TMEM135: variants seen among roughly 807,000 people sequenced by gnomAD.
TMEM135 encodes the protein peroxisomal membrane protein 52.
TMEM135 carries 30 observed loss-of-function variants against 60.3 expected under a neutral mutation model. The ratio of observed to expected loss-of-function variants is 0.50; its 90% CI spans 0.37 to 0.68. The LOEUF (loss-of-function observed/expected upper bound fraction) is 0.68, where lower values mean the gene tolerates loss of function less well. Ranked by LOEUF, TMEM135 falls within the 30% of genes least tolerant of loss-of-function variation. The probability of loss-of-function intolerance (pLI) is 0.00; values close to 1 mark genes in which losing one functional copy is unlikely to be tolerated. For synonymous variants in TMEM135, 190 were observed against 186.7 expected (o/e 1.02, Z -0.14); for missense variants, 468 against 548.8 (o/e 0.85, Z 1.47).
At chr11:87,180,299 C>T (rs778370642) in intron 5 of TMEM135, among the ~76,000 whole-genome samples, 10 of 151,926 alleles carry the variant, frequency 6.6e-5, no homozygotes, top group Non-Finnish European at 1.5e-4. Context: ...ACGGGAAAAA[C>T]GGGCCCCTGT....
intron 1 of TMEM135, among the ~76,000 whole-genome samples, chr11:87,066,214 A>G (rs1474163985): frequency 6.6e-6 from 1 of 151,874 alleles, no homozygotes; most frequent in African/African-American, 2.4e-5. Context: ...ACACCCTCTT[A>G]CTCCTTCCCT....
Position 87,276,678 on chromosome 11 carries a change from T to G in TMEM135, c.510-19104T>G, listed in dbSNP as rs1245151275. ...GTGTGTTTGTGAATTTTTTTTTTTT[T>G]TTTTTTTTGAGATGGAGTCTAGCTT... On this transcript the variant is annotated intron_variant, in intron 6 of 14. Transcript: ENST00000305494. Among the ~76,000 whole-genome samples, 4 of 147,028 alleles carry G rather than the reference T, an allele frequency of 2.7e-5. No individual in the cohort carries two copies. The East Asian group carries it at 7.8e-4, about 29-fold the overall frequency.
At chr11:87,041,739 A>C (rs1949751740) in intron 1 of TMEM135, among the ~76,000 whole-genome samples, 1 of 152,166 alleles carries the variant, frequency 6.6e-6, no homozygotes, top group Admixed American at 6.5e-5. Context: ...TATATGTCTA[A>C]ATGAGTGAAG....
intron 3 of TMEM135, 57 bp downstream of exon 3, chr11:87,071,672 T>C (rs1279975866): frequency 8.2e-6 from 11 of 1,334,980 alleles, no homozygotes; most frequent in Non-Finnish European, 1.1e-5. Context: ...ACCCCAACTA[T>C]AATTTTTTTT....
chr11:87,145,144 A>G (rs530814064), intron 4 of TMEM135, among the ~76,000 whole-genome samples: 3 of 152,140 alleles, frequency 2.0e-5, no homozygotes, highest in African/African-American at 7.2e-5. Context: ...CCACCATTCT[A>G]CTTTCTGCTA....
chr11:87,248,542 G>T (rs933024136), intron 6 of TMEM135, among the ~76,000 whole-genome samples: 1 of 152,046 alleles, frequency 6.6e-6, no homozygotes, highest in Non-Finnish European at 1.5e-5. Flanking sequence ...TTGAAGTCAG[G>T]TAATATGATT....
intron 4 of TMEM135, among the ~76,000 whole-genome samples, chr11:87,094,473 T>C (rs1488581722): frequency 6.6e-6 from 1 of 152,196 alleles, no homozygotes; most frequent in African/African-American, 2.4e-5. Context: ...GAGCTCCTCA[T>C]TACTTCTTCT....
chr11:87,308,085 A>C (rs867936677), intron 9 of TMEM135, among the ~76,000 whole-genome samples: 6 of 152,122 alleles, frequency 3.9e-5, no homozygotes, highest in Middle Eastern at 3.2e-3. Flanking sequence ...CATTTATTAT[A>C]ATCTTTTGTA....
At chr11:87,237,000 G>A (rs1354038211) in intron 6 of TMEM135, among the ~76,000 whole-genome samples, 1 of 151,912 alleles carries the variant, frequency 6.6e-6, no homozygotes, top group East Asian at 1.9e-4. Context: ...CTGATTGTAT[G>A]TAAATACCTA....
chr11:87,072,781 A>G (rs893768752), intron 3 of TMEM135, among the ~76,000 whole-genome samples: 4 of 152,206 alleles, frequency 2.6e-5, no homozygotes, highest in East Asian at 1.9e-4. Flanking sequence ...AATGTTGCAA[A>G]CTTACATAAA....
chr11:87,194,871 T>C (rs1939898361), intron 5 of TMEM135, among the ~76,000 whole-genome samples: 1 of 152,226 alleles, frequency 6.6e-6, no homozygotes, highest in Non-Finnish European at 1.5e-5. Flanking sequence ...TACTGTGTCA[T>C]GAGGTTATCT....
At chr11:87,062,332 A>G (rs1024148894) in intron 1 of TMEM135, among the ~76,000 whole-genome samples, 3 of 115,164 alleles carry the variant, frequency 2.6e-5, no homozygotes, top group Non-Finnish European at 5.0e-5. Context: ...ATTGTTTTAT[A>G]ATTTTCAAAT....
chr11:87,083,261 C>T lies in TMEM135; in HGVS notation c.363-8101C>T, dbSNP rs555411910. Among the ~76,000 whole-genome samples, 65 of 152,242 alleles carry T rather than the reference C, an allele frequency of 4.3e-4. 2 individuals are homozygous for T. The South Asian group carries it at 0.013, about 31-fold the overall frequency. On this transcript the variant is annotated intron_variant, in intron 3 of 14. Transcript: ENST00000305494. ...CCACAAAGGACTCTGATCATAGTAA[C>T]TCAGTAGGAAGCATTGGTAACATCT...
intron 5 of TMEM135, among the ~76,000 whole-genome samples, chr11:87,209,494 C>G (rs990948033): frequency 6.6e-6 from 1 of 152,076 alleles, no homozygotes; most frequent in Admixed American, 6.5e-5. Flanking sequence ...AACAAGAAAA[C>G]CTAACTATCT....
At chr11:87,095,173 A>T (rs1591014795) in intron 4 of TMEM135, 1 of 179,730 alleles carries the variant, frequency 5.6e-6, no homozygotes, top group East Asian at 1.3e-4. Flanking sequence ...TCTGTGCTTC[A>T]TAATGCTCCA....
chr11:87,220,552 G>A (rs141604205), intron 5 of TMEM135, among the ~76,000 whole-genome samples: 1 of 152,146 alleles, frequency 6.6e-6, no homozygotes, highest in Non-Finnish European at 1.5e-5. Context: ...ATATGGAGTT[G>A]TTCTACTCTG....
chr11:87,107,381 A>G (rs1310460578), intron 4 of TMEM135, among the ~76,000 whole-genome samples: 1 of 151,946 alleles, frequency 6.6e-6, no homozygotes, highest in Non-Finnish European at 1.5e-5. Context: ...CGTCATTTAC[A>G]TTAGGTGTTT....
At chr11:87,158,308 G>T (rs1444457540) in intron 5 of TMEM135, among the ~76,000 whole-genome samples, 1 of 152,108 alleles carries the variant, frequency 6.6e-6, no homozygotes, top group Non-Finnish European at 1.5e-5. Flanking sequence ...TTTAGTAGTG[G>T]AAGTGAGTAT....
intron 6 of TMEM135, among the ~76,000 whole-genome samples, chr11:87,246,893 G>T: frequency 7.9e-6 from 1 of 126,998 alleles, no homozygotes; most frequent in South Asian, 2.7e-4. Context: ...CATTGCTGGT[G>T]AGGAGCTGCG....
Sources: gnomAD v4.1 joint callset for allele counts (sites outside exome capture counted in the v4.1 genomes callset) on GRCh38, gnomAD v4.1.1 for gene constraint, MANE v1.5 for transcripts, NCBI Gene and HGNC (gene_info 2026-07-23, HGNC 2026-07-21) for gene names.